The following FKBP6 variants were observed in gnomAD, a reference collection of about 807,000 sequenced individuals.
The protein encoded by FKBP6 is inactive peptidyl-prolyl cis-trans isomerase FKBP6.
A neutral mutation model predicts 41.7 loss-of-function variants in FKBP6; 29 were observed. The observed-to-expected ratio is 0.70, with a 90% CI of 0.52 to 0.95. The LOEUF is 0.95. Ranked by LOEUF, FKBP6 falls within the 40% of genes least tolerant of loss-of-function variation. The pLI is 0.00. For synonymous variants in FKBP6, 130 were observed against 165.1 expected (o/e 0.79, Z 1.63); for missense variants, 338 against 408.7 (o/e 0.83, Z 1.49).
At chr7:73,339,458 A>G (rs115275295) in intron 5 of FKBP6, among the ~76,000 whole-genome samples, 291 of 152,298 alleles carry the variant, frequency 1.9e-3, no homozygotes, top group African/African-American at 6.8e-3. Flanking sequence ...CCGGTGCTAC[A>G]CTGGCGTAAT....
intron 6 of FKBP6, 150 bp from the exon 7 acceptor site, chr7:73,341,123 C>T (rs1294652453): frequency 1.3e-5 from 10 of 756,372 alleles, no homozygotes; most frequent in East Asian, 1.2e-4. Context: ...AGGGTTTTGC[C>T]GTGTTGGCCA....
intron 5 of FKBP6, chr7:73,336,863 C>A (rs900534518): frequency 2.2e-6 from 1 of 453,424 alleles, no homozygotes; most frequent in African/African-American, 2.0e-5. Flanking sequence ...GGAAGTACTT[C>A]CACAAAATGG....
Position 73,342,880 on chromosome 7 carries a change from A to C in FKBP6, c.967A>C (p.Thr323Pro). 6.2e-7 allele frequency: 1 copy of C among 1,613,530 alleles called. No individual in the cohort carries two copies. The highest frequency in any genetic ancestry group is 2.2e-5 in the East Asian group (1 of 44,882). Residue 323 changes from threonine to proline, a missense_variant, in exon 8 of 9, where the codon ACA becomes CCA. By Grantham distance (38) the Thr-to-Pro change is conservative. Coordinates refer to ENST00000252037, the MANE Select transcript of FKBP6 (RefSeq NM_003602.5). The part of the protein sequence containing the change: ...RMFAPCGDGS[T>P]AGES ...GTTCGCGCCCTGTGGCGATGGTTCT[A>C]CAGCAGGAGAAAGTTGAAGGTAATC...
intron 8 of FKBP6, among the ~76,000 whole-genome samples, chr7:73,352,663 G>A (rs1554551306): frequency 1.3e-5 from 2 of 152,128 alleles, no homozygotes; most frequent in Admixed American, 6.5e-5. Flanking sequence ...GATGAACTGG[G>A]GTGAGCCTCA....
At chr7:73,331,230 G>C (rs1804831614) in intron 4 of FKBP6, among the ~76,000 whole-genome samples, 1 of 152,198 alleles carries the variant, frequency 6.6e-6, no homozygotes, top group Non-Finnish European at 1.5e-5. Context: ...ACCAAGACCT[G>C]TTCAGTGCTT....
chr7:73,351,079 T>A (rs996105409), intron 8 of FKBP6, among the ~76,000 whole-genome samples: 1 of 152,208 alleles, frequency 6.6e-6, no homozygotes, highest in African/African-American at 2.4e-5. Context: ...TGTAATTATT[T>A]TTTTTTCCTT....
At chr7:73,347,585 A>G (rs1457152326) in intron 8 of FKBP6, among the ~76,000 whole-genome samples, 1 of 152,236 alleles carries the variant, frequency 6.6e-6, no homozygotes, top group African/African-American at 2.4e-5. Context: ...AGATTATTAT[A>G]ACAAAAATAA....
chr7:73,346,984 G>A (rs1301283901), intron 8 of FKBP6, among the ~76,000 whole-genome samples: 6 of 152,170 alleles, frequency 3.9e-5, no homozygotes, highest in Admixed American at 3.9e-4. Flanking sequence ...TGTACCAGGA[G>A]TGACTGGGAA....
intron 2 of FKBP6, among the ~76,000 whole-genome samples, chr7:73,329,155 G>T (rs1554547019): frequency 6.6e-6 from 1 of 152,102 alleles, no homozygotes; most frequent in African/African-American, 2.4e-5. Flanking sequence ...TCCCCTTTGT[G>T]TGATGCTTCC....
intron 8 of FKBP6, among the ~76,000 whole-genome samples, chr7:73,343,182 G>T (rs1805242915): frequency 6.6e-6 from 1 of 152,142 alleles, no homozygotes; most frequent in African/African-American, 2.4e-5. Context: ...TTGAGGCAGA[G>T]TCTCACTCTG....
rs1391653555 is a variant in FKBP6, at chr7:73,341,507, C to G, written c.893+125C>G. ...CCAGAGTGTTAGGAGGCCGCCCCCTCTACAGCTGGGTTTCTGAAGTGCTCG... is the reference window on the plus strand; with the variant it reads ...CCAGAGTGTTAGGAGGCCGCCCCCTGTACAGCTGGGTTTCTGAAGTGCTCG... On this transcript the variant is annotated intron_variant, in intron 7 of 8. Transcript: ENST00000252037. The G allele has an allele frequency of 4.0e-6, 3 of 744,346 alleles. No homozygotes were observed. In the African/African-American group the frequency reaches 5.2e-5, roughly 13 times the overall value. The allele number at this position is 744,346 out of a possible 1,614,324, so 46.1% of individuals were successfully genotyped here.
chr7:73,335,114 G>A (rs1481691722), intron 5 of FKBP6, among the ~76,000 whole-genome samples: 2 of 149,580 alleles, frequency 1.3e-5, no homozygotes, highest in Non-Finnish European at 3.0e-5. Context: ...TCTAAATTCT[G>A]GTTGTACGTG....
intron 7 of FKBP6, 129 bp from the exon 8 acceptor site, chr7:73,342,678 C>T: frequency 1.3e-6 from 1 of 768,562 alleles, no homozygotes; most frequent in Non-Finnish European, 2.4e-6. Context: ...TTACTTCCAT[C>T]CCTCCCAACT....
intron 8 of FKBP6, among the ~76,000 whole-genome samples, chr7:73,351,421 A>G (rs1276947468): frequency 1.3e-5 from 2 of 151,616 alleles, no homozygotes; most frequent in African/African-American, 4.9e-5. Flanking sequence ...TCTGCCGGGC[A>G]TCTGGGCCAG....
At chr7:73,355,696 T>C (rs1442743096) in intron 8 of FKBP6, among the ~76,000 whole-genome samples, 2 of 152,056 alleles carry the variant, frequency 1.3e-5, no homozygotes, top group Non-Finnish European at 2.9e-5. Flanking sequence ...TTACCCAGGC[T>C]TGACAGTGAA....
intron 4 of FKBP6, among the ~76,000 whole-genome samples, chr7:73,331,452 A>C (rs1455636303): frequency 6.6e-6 from 1 of 152,220 alleles, no homozygotes; most frequent in Non-Finnish European, 1.5e-5. Context: ...AAGGCTGTAA[A>C]CAGAAGTGCA....
intron 8 of FKBP6, 101 bp downstream of exon 8, chr7:73,343,000 A>T (rs1183866496): frequency 2.4e-6 from 2 of 837,062 alleles, no homozygotes; most frequent in African/African-American, 1.7e-5. Flanking sequence ...CTGAGGGTGG[A>T]CGAGGGGTAG....
intron 8 of FKBP6, among the ~76,000 whole-genome samples, chr7:73,356,139 A>G (rs563258314): frequency 7.9e-5 from 12 of 151,138 alleles, no homozygotes; most frequent in Non-Finnish European, 1.5e-4. Context: ...TACATTTTGT[A>G]CTAGAATATA....
chr7:73,354,568 A>G (rs1805576765), intron 8 of FKBP6, among the ~76,000 whole-genome samples: 1 of 152,062 alleles, frequency 6.6e-6, no homozygotes, highest in African/African-American at 2.4e-5. Context: ...TCCTCAAAAA[A>G]TTTTCCCCCT....
Sources: allele counts gnomAD v4.1 joint callset (sites outside exome capture counted in the v4.1 genomes callset), GRCh38; gene constraint gnomAD v4.1.1; transcripts MANE v1.5; gene names NCBI Gene and HGNC (gene_info 2026-07-23, HGNC 2026-07-21).